The following OR51B5 variants were observed in gnomAD, a reference collection of about 807,000 sequenced individuals.
The protein encoded by OR51B5 is olfactory receptor 51B5.
For missense variants in OR51B5, 456 were observed against 374.6 expected (o/e 1.22, Z -1.79); for synonymous variants, 186 against 144.8 (o/e 1.28, Z -2.04).
intron 1 of OR51B5, among the ~76,000 whole-genome samples, chr11:5,461,314 A>AG (rs1851048745): frequency 6.6e-6 from 1 of 152,164 alleles, no homozygotes; most frequent in African/African-American, 2.4e-5. Flanking sequence ...CACACCTGCA[A>AG]GGATCTATCT....
intron 1 of OR51B5, among the ~76,000 whole-genome samples, chr11:5,377,375 G>C (rs1849543820): frequency 6.6e-6 from 1 of 152,120 alleles, no homozygotes. Context: ...GCAAAAACTG[G>C]AAGCATTCCC....
intron 1 of OR51B5, among the ~76,000 whole-genome samples, chr11:5,358,676 C>A (rs1849232043): frequency 2.0e-5 from 3 of 151,868 alleles, no homozygotes; most frequent in Admixed American, 6.6e-5. Flanking sequence ...CAAAGCCGGG[C>A]AGAGACACAA....
intron 1 of OR51B5, chr11:5,390,103 C>T: frequency 1.2e-6 from 2 of 1,613,768 alleles, no homozygotes; most frequent in African/African-American, 1.3e-5. Flanking sequence ...TCATCCTGCA[C>T]ACAGTAGCAG....
chr11:5,412,108 C>CT (rs1270981350), intron 1 of OR51B5, among the ~76,000 whole-genome samples: 21 of 152,344 alleles, frequency 1.4e-4, no homozygotes, highest in African/African-American at 5.0e-4. Context: ...AGACCTTTCT[C>CT]TCCTCCTCCT....
In OR51B5 at chr11:5,440,706, G is replaced by A. The variant is rs376141767; in HGVS notation, n.84+64863C>T. 1.9e-5 allele frequency: 30 copies of A among 1,613,972 alleles called. No individual in the cohort carries two copies. In the African/African-American group the frequency reaches 3.7e-4, roughly 20 times the overall value. On this transcript the variant is annotated intron_variant and non_coding_transcript_variant, in intron 1 of 4. Coordinates refer to the OR51B5 transcript ENST00000415970. The stretch of plus-strand genomic sequence containing the variant: ...CATCATGACATGAACAACAGGTGGA[G>A]CACTTTTCCAGAAGCGGTGAATCAT...
At chr11:5,453,493 G>A in intron 1 of OR51B5, 1 of 1,542,018 alleles carries the variant, frequency 6.5e-7, no homozygotes, top group South Asian at 1.3e-5. Flanking sequence ...TTTGCTATGG[G>A]GTTGTTCAAT....
intron 1 of OR51B5, among the ~76,000 whole-genome samples, chr11:5,462,152 T>G (rs1234406361): frequency 6.6e-6 from 1 of 152,082 alleles, no homozygotes; most frequent in African/African-American, 2.4e-5. Context: ...CTGTCATGGG[T>G]ATGTTTCTCG....
chr11:5,449,026 G>T (rs575925477), intron 1 of OR51B5, among the ~76,000 whole-genome samples: 106 of 152,294 alleles, frequency 7.0e-4, no homozygotes, highest in African/African-American at 2.4e-3. Context: ...GATGGGCTTG[G>T]TCATCATCAC....
chr11:5,447,085 A>C (rs1376746950), intron 1 of OR51B5, among the ~76,000 whole-genome samples: 1 of 152,176 alleles, frequency 6.6e-6, no homozygotes, highest in Non-Finnish European at 1.5e-5. Flanking sequence ...TGACCATGAA[A>C]ATGAAAGCCC....
At chr11:5,373,627 A>C (rs915451674) in intron 1 of OR51B5, among the ~76,000 whole-genome samples, 6 of 152,150 alleles carry the variant, frequency 3.9e-5, no homozygotes, top group Non-Finnish European at 8.8e-5. Context: ...CTCCCACCCG[A>C]ATACTGTGCT....
chr11:5,407,147 A>G (rs1433948217), intron 1 of OR51B5, among the ~76,000 whole-genome samples: 1 of 152,128 alleles, frequency 6.6e-6, no homozygotes, highest in Non-Finnish European at 1.5e-5. Context: ...ACTGTGGGGC[A>G]TATTTCTTGA....
rs1849855921 is a variant in OR51B5 at position 5,395,555 on chromosome 11, G to A, written n.85-48645C>T. Among the ~76,000 whole-genome samples the A allele has an allele frequency of 2.0e-5, 3 of 152,180 alleles. No individual in the cohort carries two copies. In the South Asian group the frequency reaches 6.2e-4, roughly 32 times the overall value. ...TGGACTTGTTACTGGGCTATGCCTT[G>A]TAGAGAATGATACAGGGTTGTGGCA... is the stretch of plus-strand genomic sequence containing the variant. On this transcript the variant is annotated intron_variant and non_coding_transcript_variant, in intron 1 of 4. Coordinates refer to the OR51B5 transcript ENST00000415970.
In OR51B5 at chr11:5,480,723, C is replaced by T. The variant is rs1270250123; in HGVS notation, n.84+24846G>A. ...TACAAACTACCATCAGAGAATACTA[C>T]AAACACCTCTATGGAAATAAACTAG... On this transcript the variant is annotated intron_variant and non_coding_transcript_variant, in intron 1 of 4. Transcript: ENST00000415970. Among the ~76,000 whole-genome samples the T allele has an allele frequency of 1.9e-4, 28 of 150,956 alleles. No individual in the cohort carries two copies. The South Asian group carries it at 5.5e-3, about 30-fold the overall frequency.
chr11:5,428,329 A>G (rs947095442), intron 1 of OR51B5, among the ~76,000 whole-genome samples: 2 of 152,212 alleles, frequency 1.3e-5, no homozygotes, highest in Admixed American at 1.3e-4. Flanking sequence ...TGTTTACACT[A>G]TAATATAGTC....
intron 1 of OR51B5, chr11:5,422,050 A>G: frequency 1.6e-6 from 1 of 635,790 alleles, no homozygotes; most frequent in Non-Finnish European, 2.7e-6. Context: ...CATATATCAC[A>G]ATGTTCTTAA....
intron 1 of OR51B5, among the ~76,000 whole-genome samples, chr11:5,496,860 T>C (rs531789200): frequency 1.3e-5 from 2 of 152,232 alleles, no homozygotes; most frequent in African/African-American, 4.8e-5. Context: ...TAATTCACTC[T>C]CCTCCCTCCA....
At chr11:5,378,036 C>T (rs948457297) in intron 1 of OR51B5, among the ~76,000 whole-genome samples, 2 of 152,260 alleles carry the variant, frequency 1.3e-5, no homozygotes, top group African/African-American at 4.8e-5. Context: ...AAGCTGGAGG[C>T]ATCAGGCTAC....
intron 1 of OR51B5, chr11:5,385,503 A>AATATAT (rs35403463): frequency 6.6e-6 from 1 of 151,410 alleles, no homozygotes; most frequent in Non-Finnish European, 1.5e-5. Context: ...CATGCAAAAA[A>AATATAT]ATATATATAT....
chr11:5,359,746 C>T (rs1380363480), intron 1 of OR51B5, among the ~76,000 whole-genome samples: 4 of 150,894 alleles, frequency 2.7e-5, no homozygotes, highest in African/African-American at 7.3e-5. Context: ...TCAAACTATA[C>T]TACAAGGCTA....
Sources: allele counts gnomAD v4.1 joint callset (sites outside exome capture counted in the v4.1 genomes callset), GRCh38; gene constraint gnomAD v4.1.1; transcripts MANE v1.5; gene names NCBI Gene and HGNC (gene_info 2026-07-23, HGNC 2026-07-21).